EPB41: variants seen among roughly 807,000 people sequenced by gnomAD.
EPB41 encodes the protein erythrocyte membrane protein band 4.1.
Under a neutral mutation model 108.0 loss-of-function variants are expected in EPB41, and 65 were observed. The ratio of observed to expected loss-of-function variants is 0.60; its 90% CI spans 0.49 to 0.74. EPB41 has a LOEUF of 0.74. EPB41 is among the 30% of genes least tolerant of loss of function. The probability of loss-of-function intolerance (pLI) is 0.00; values close to 1 mark genes in which losing one functional copy is unlikely to be tolerated. For synonymous variants in EPB41, 336 were observed against 358.9 expected, an observed-to-expected ratio of 0.94 and a Z score of 0.72; for missense variants, 875 against 1,037.0, an observed-to-expected ratio of 0.84 and a Z score of 2.15.
intron 1 of EPB41, among the ~76,000 whole-genome samples, chr1:28,937,795 GTCTTA>G (rs1461020647): frequency 6.6e-6 from 1 of 152,104 alleles, no homozygotes; most frequent in Non-Finnish European, 1.5e-5. Flanking sequence ...GGAAATTTAC[GTCTTA>G]TCTTTTCTTC....
chr1:28,994,185 T>G (rs1262778859), intron 3 of EPB41, among the ~76,000 whole-genome samples: 1 of 152,070 alleles, frequency 6.6e-6, no homozygotes, highest in Non-Finnish European at 1.5e-5. Context: ...GTTTGTTTGT[T>G]TTTTGAGACA....
At chr1:28,939,361 T>C (rs2094181371) in intron 1 of EPB41, among the ~76,000 whole-genome samples, 1 of 152,188 alleles carries the variant, frequency 6.6e-6, no homozygotes, top group East Asian at 1.9e-4. Flanking sequence ...TTGGTCATGG[T>C]ATGTAATTGT....
At chr1:28,944,081 G>C (rs2094405124) in intron 1 of EPB41, among the ~76,000 whole-genome samples, 1 of 152,152 alleles carries the variant, frequency 6.6e-6, no homozygotes, top group Non-Finnish European at 1.5e-5. Context: ...ACTAACTGGA[G>C]TTCATTAAGT....
intron 1 of EPB41, among the ~76,000 whole-genome samples, chr1:28,908,456 G>A (rs1312816285): frequency 1.3e-5 from 2 of 149,154 alleles, no homozygotes; most frequent in Non-Finnish European, 3.0e-5. Flanking sequence ...TTTTGAGATA[G>A]AGTCTTGCCC....
chr1:28,897,646 AGAGGAGGGGAG>A (rs1169045345), intron 1 of EPB41, among the ~76,000 whole-genome samples: 220 of 11,504 alleles, frequency 0.019, 3 homozygotes, highest in Admixed American at 0.056. Flanking sequence ...AGAGGAGGGG[AGAGGAGGGGAG>A]GGGACAGGAG....
chr1:29,066,286 G>C (rs915815913), intron 16 of EPB41, among the ~76,000 whole-genome samples: 1 of 151,994 alleles, frequency 6.6e-6, no homozygotes, highest in Admixed American at 6.6e-5. Flanking sequence ...GGGCATGGTG[G>C]CACATGCCTG....
intron 5 of EPB41, among the ~76,000 whole-genome samples, chr1:29,012,848 T>C (rs1410885117): frequency 2.6e-5 from 4 of 152,214 alleles, no homozygotes; most frequent in Non-Finnish European, 5.9e-5. Context: ...GCTTTCTACC[T>C]ATAAAAGCTC....
chr1:28,901,573 G>A (rs1167052580), intron 1 of EPB41, among the ~76,000 whole-genome samples: 2 of 147,446 alleles, frequency 1.4e-5, no homozygotes, highest in Non-Finnish European at 3.0e-5. Context: ...TTGCTCTGTT[G>A]CCCAGGCTGG....
At chr1:29,014,962 A>G (rs1047524525) in intron 5 of EPB41, among the ~76,000 whole-genome samples, 7 of 152,070 alleles carry the variant, frequency 4.6e-5, no homozygotes, top group Non-Finnish European at 7.4e-5. Flanking sequence ...CCTGGGCAAC[A>G]TAGGGAGACC....
At chr1:28,923,246 C>G (rs192242031) in intron 1 of EPB41, among the ~76,000 whole-genome samples, 2 of 151,056 alleles carry the variant, frequency 1.3e-5, no homozygotes, top group African/African-American at 4.9e-5. Flanking sequence ...CAGGCGTGTG[C>G]CACCACACCT....
rs542563264 is a variant in EPB41 at position 29,060,641 on chromosome 1, A to G, written c.2007+157A>G. 2.0e-5 allele frequency among the ~76,000 whole-genome samples: 3 copies of G among 152,346 alleles called. No individual in the cohort carries two copies. In the East Asian group the frequency reaches 5.8e-4, roughly 29 times the overall value. On this transcript the variant is annotated intron_variant, in intron 15 of 20. Coordinates refer to ENST00000343067, the MANE Select transcript of EPB41 (RefSeq NM_001376013.1). ...ATGCTTTTGCATGTTGGTGAACATG[A>G]AGATATGCAAACATCTCGCCTTCTG... is the stretch of plus-strand genomic sequence containing the variant.
intron 8 of EPB41, 59 bp downstream of exon 8, chr1:29,030,546 C>A: frequency 8.3e-7 from 1 of 1,209,792 alleles, no homozygotes; most frequent in Non-Finnish European, 1.2e-6. Context: ...TGATACATGT[C>A]TGTTATGTAT....
chr1:29,099,430 G>T (rs1395126784), intron 17 of EPB41, among the ~76,000 whole-genome samples: 1 of 152,056 alleles, frequency 6.6e-6, no homozygotes, highest in East Asian at 1.9e-4. Context: ...GGCTCAAGCA[G>T]TTCTCCCACC....
At chr1:29,058,944 T>C (rs1464788704) in intron 14 of EPB41, 92 bp downstream of exon 14, 7 of 1,155,186 alleles carry the variant, frequency 6.1e-6, no homozygotes, top group Non-Finnish European at 6.3e-6. Context: ...ATTCTTTTCA[T>C]TGATTTCTTT....
rs1671181305 is a variant in EPB41, at chr1:29,117,347, C to G, written c.*535C>G. ...ATCAGAATGCCAGGGAGGGCACCAG[C>G]CCTGATCCACAGACCTCGGAAAGAT... On this transcript the variant is annotated 3_prime_UTR_variant, in exon 21 of 21. Coordinates refer to ENST00000343067, the MANE Select transcript of EPB41 (RefSeq NM_001376013.1). 1 of 152,732 alleles carries G rather than the reference C, an allele frequency of 6.5e-6. No homozygotes were observed. 9.5% of individuals were successfully genotyped at this position (152,732 alleles called of 1,614,324 possible). A position where few individuals can be genotyped will look rare whatever the true frequency, so the allele number is the denominator to read the frequency against.
upstream of EPB41, among the ~76,000 whole-genome samples, chr1:28,911,896 G>A (rs1373981300): frequency 0.015 from 7 of 458 alleles, no homozygotes; most frequent in African/African-American, 0.061. Context: ...TACAAAATTA[G>A]CCAGGCGTGG....
In EPB41 at chr1:29,044,616, C is replaced by T. The variant is rs181553193; in HGVS notation, c.1636+5190C>T. Reference sequence around the variant, plus strand: ...CAGCACTTTGGGAGGCTGAGGCGGGCGGATCATTTGAGGTCAGGAGTTCGA... The same window carrying T: ...CAGCACTTTGGGAGGCTGAGGCGGGTGGATCATTTGAGGTCAGGAGTTCGA... On this transcript the variant is annotated intron_variant, in intron 11 of 20. Transcript: ENST00000343067. 3.8e-3 allele frequency among the ~76,000 whole-genome samples: 578 copies of T among 151,994 alleles called. 6 individuals are homozygous for T. Among genetic ancestry groups the T allele is most frequent in the African/African-American group, 0.013 (533 of 41,464 alleles).
intron 3 of EPB41, among the ~76,000 whole-genome samples, chr1:28,994,633 T>TTTTTTTTATTTATTTATTTA: frequency 7.2e-6 from 1 of 139,852 alleles, no homozygotes; most frequent in African/African-American, 2.7e-5. Flanking sequence ...GAACAAACTA[T>TTTTTTTTATTTATTTATTTA]TTTATTTATT....
chr1:29,057,455 G>T (rs1243674223), intron 12 of EPB41, among the ~76,000 whole-genome samples: 4 of 151,894 alleles, frequency 2.6e-5, no homozygotes, highest in Non-Finnish European at 5.9e-5. Flanking sequence ...CTGTAATGGG[G>T]TGTGCTTAAC....
Sources: allele counts gnomAD v4.1 joint callset (sites outside exome capture counted in the v4.1 genomes callset), GRCh38; gene constraint gnomAD v4.1.1; transcripts MANE v1.5; gene names NCBI Gene and HGNC (gene_info 2026-07-23, HGNC 2026-07-21).